Variants in VPS13B observed in about 807,000 individuals in gnomAD.
The protein encoded by VPS13B is intermembrane lipid transfer protein VPS13B.
Under a neutral mutation model 426.4 loss-of-function variants are expected in VPS13B, and 285 were observed. That is an observed-to-expected ratio of 0.67 (90% CI 0.61 to 0.74). VPS13B has a LOEUF of 0.74. VPS13B is among the 30% of genes least tolerant of loss of function. The pLI, the probability that VPS13B is intolerant of heterozygous loss-of-function variation, is 0.00. For synonymous variants in VPS13B, 1,676 were observed against 1,676.4 expected, an observed-to-expected ratio of 1.00 and a Z score of 0.01; for missense variants, 4,537 against 4,782.6, an observed-to-expected ratio of 0.95 and a Z score of 1.51.
At chr8:99,037,034 TC>T (rs1842775800) in intron 2 of VPS13B, among the ~76,000 whole-genome samples, 1 of 152,122 alleles carries the variant, frequency 6.6e-6, no homozygotes, top group East Asian at 1.9e-4. Context: ...ATTTTGTGAT[TC>T]TTAGGAGGAG....
At chr8:99,531,739 A>T (rs1822947162) in intron 30 of VPS13B, among the ~76,000 whole-genome samples, 1 of 152,014 alleles carries the variant, frequency 6.6e-6, no homozygotes, top group South Asian at 2.1e-4. Flanking sequence ...CTTCCCACTA[A>T]TCTTGTGCAA....
chr8:99,701,127 C>A (rs563586206), intron 36 of VPS13B, among the ~76,000 whole-genome samples: 4 of 152,248 alleles, frequency 2.6e-5, no homozygotes, highest in African/African-American at 9.6e-5. Context: ...TTCTTTCTCA[C>A]TAGAAATATT....
chr8:99,016,490 T>C (rs1312541992), intron 2 of VPS13B, among the ~76,000 whole-genome samples: 2 of 151,720 alleles, frequency 1.3e-5, no homozygotes, highest in Non-Finnish European at 2.9e-5. Flanking sequence ...TATATTCTTA[T>C]TGGCCATTTA....
chr8:99,380,286 G>T (rs1014955957), intron 19 of VPS13B, among the ~76,000 whole-genome samples: 3 of 152,066 alleles, frequency 2.0e-5, no homozygotes, highest in Admixed American at 6.6e-5. Flanking sequence ...TGATACTTGG[G>T]AAGTAGAAGA....
In VPS13B at chr8:99,578,043, T is replaced by G. The variant is rs185985045; in HGVS notation, c.5220+410T>G. Among the ~76,000 whole-genome samples, 3 of 152,254 alleles carry G rather than the reference T, an allele frequency of 2.0e-5. No homozygotes were observed. The East Asian group carries it at 5.8e-4, about 29-fold the overall frequency. On this transcript the variant is annotated intron_variant, in intron 33 of 61. Transcript: ENST00000357162. ...CTTCAATAAATAACTTGTAAAGCAT[T>G]TGTTTCCCATGCTCAGTGGGAAATG...
chr8:99,641,797 C>G lies in VPS13B; in HGVS notation c.5221-14C>G. 6.2e-7 allele frequency: 1 copy of G among 1,601,662 alleles called. No homozygotes were observed. The highest frequency in any genetic ancestry group is 1.1e-5 in the South Asian group (1 of 90,244). On this transcript the variant is annotated splice_polypyrimidine_tract_variant and intron_variant, in intron 33 of 61. Transcript: ENST00000357162. ...GTAACTAGTTTGAAATATTTTATTA[C>G]TTTTTTCTTACAGATCTCTAAACAA...
rs1480557461 is a variant in VPS13B, at chr8:99,286,685, G to A, written c.2824+11431G>A. ...AGTCAGAATCAGATAACCTGCAAGGGTGTGCTTTTAAAAACACAGAGCTCT... is the reference window on the plus strand; with the variant it reads ...AGTCAGAATCAGATAACCTGCAAGGATGTGCTTTTAAAAACACAGAGCTCT... On this transcript the variant is annotated intron_variant, in intron 19 of 61. Transcript: ENST00000357162. Among the ~76,000 whole-genome samples, 3 of 152,088 alleles carry A rather than the reference G, an allele frequency of 2.0e-5. No homozygotes were observed. The East Asian group carries it at 5.8e-4, about 29-fold the overall frequency.
chr8:99,757,531 C>T (rs748508923), intron 39 of VPS13B, among the ~76,000 whole-genome samples: 11 of 152,270 alleles, frequency 7.2e-5, no homozygotes, highest in South Asian at 2.1e-4. Context: ...GCAGCCCCTG[C>T]GCAAAGAAAT....
intron 3 of VPS13B, among the ~76,000 whole-genome samples, chr8:99,041,500 G>C (rs1164254469): frequency 2.0e-5 from 3 of 152,056 alleles, no homozygotes; most frequent in Non-Finnish European, 2.9e-5. Context: ...CTGTAAAACA[G>C]GACAAGACTT....
chr8:99,221,897 C>A (rs937890256), intron 17 of VPS13B, among the ~76,000 whole-genome samples: 1 of 152,306 alleles, frequency 6.6e-6, no homozygotes, highest in South Asian at 2.1e-4. Flanking sequence ...CATATACATA[C>A]TTTCTTTTCT....
At chr8:99,043,646 C>T (rs950737037) in intron 3 of VPS13B, among the ~76,000 whole-genome samples, 3 of 152,044 alleles carry the variant, frequency 2.0e-5, no homozygotes, top group African/African-American at 2.4e-5. Flanking sequence ...TGTGGTCCCT[C>T]CCCCACTGTG....
intron 58 of VPS13B, 173 bp from the exon 59 acceptor site, chr8:99,868,116 T>A (rs751106171): frequency 4.2e-6 from 3 of 720,274 alleles, no homozygotes; most frequent in Non-Finnish European, 6.9e-6. Flanking sequence ...CGATAATAAA[T>A]GTCTACTGCC....
chr8:99,100,478 C>T (rs1353642249), intron 4 of VPS13B, among the ~76,000 whole-genome samples: 4 of 151,850 alleles, frequency 2.6e-5, no homozygotes, highest in South Asian at 2.1e-4. Flanking sequence ...TTTGTAGAGA[C>T]GGGGTTTTAC....
In VPS13B at chr8:99,619,129, C is replaced by T. The variant is rs146875655; in HGVS notation, c.5221-22682C>T. On this transcript the variant is annotated intron_variant, in intron 33 of 61. Transcript: ENST00000357162. ...TCCTTCCCAGAAGCCTTGAGAAAACCTCTTCCCATGTTTTATTAGACCAAA... is the reference window on the plus strand; with the variant it reads ...TCCTTCCCAGAAGCCTTGAGAAAACTTCTTCCCATGTTTTATTAGACCAAA... Among the ~76,000 whole-genome samples, 667 of 152,284 alleles carry T rather than the reference C, an allele frequency of 4.4e-3. 2 individuals carry two copies. The highest frequency in any genetic ancestry group is 6.3e-3 in the Non-Finnish European group (426 of 68,016).
Position 99,818,800 on chromosome 8 carries a change from GA to G in VPS13B, c.8536del (p.Thr2846HisfsTer16), listed in dbSNP as rs386834114. 6.2e-7 allele frequency: 1 copy of G among 1,614,002 alleles called. No individual in the cohort carries two copies. Among genetic ancestry groups the G allele is most frequent in the Non-Finnish European group, 8.5e-7 (1 of 1,179,950 alleles). ...HLEKRSLGLS[E>X]TQIIPGKGQE... is the part of the protein sequence containing the mutation. ...GGAGAAAAGGAGTCTGGGATTGAGT[GA>G]AACACAAATTATTCCAGGAAAAGGG... On this transcript the variant is annotated frameshift_variant, in exon 47 of 62. Transcript: ENST00000357162. LOFTEE classifies it high-confidence loss of function.
At chr8:99,458,888 TA>T (rs1318531622) in intron 23 of VPS13B, among the ~76,000 whole-genome samples, 1 of 152,184 alleles carries the variant, frequency 6.6e-6, no homozygotes, top group Non-Finnish European at 1.5e-5. Context: ...ACTCTGATGG[TA>T]GTTTCTTTTG....
intron 54 of VPS13B, among the ~76,000 whole-genome samples, chr8:99,836,648 G>C (rs2130869366): frequency 6.6e-6 from 1 of 152,262 alleles, no homozygotes; most frequent in Non-Finnish European, 1.5e-5. Context: ...TTTTTAAAAA[G>C]TTCTTCCACA....
intron 17 of VPS13B, among the ~76,000 whole-genome samples, chr8:99,262,165 T>C (rs374837847): frequency 3.1e-4 from 47 of 152,362 alleles, no homozygotes; most frequent in African/African-American, 1.1e-3. Flanking sequence ...AGTTCAGTTC[T>C]GTCATTTAAT....
chr8:99,301,313 G>C (rs1178483013), intron 19 of VPS13B, among the ~76,000 whole-genome samples: 1 of 115,460 alleles, frequency 8.7e-6, no homozygotes, highest in African/African-American at 3.5e-5. Context: ...TTTTTTTTTT[G>C]ACTGAGTTTT....
Sources: gnomAD v4.1 joint callset for allele counts (sites outside exome capture counted in the v4.1 genomes callset) on GRCh38, gnomAD v4.1.1 for gene constraint, MANE v1.5 for transcripts, NCBI Gene and HGNC (gene_info 2026-07-23, HGNC 2026-07-21) for gene names.